The following CRACD variants were observed in gnomAD, a reference collection of about 807,000 sequenced individuals.
The protein encoded by CRACD is capping protein inhibiting regulator of actin dynamics, also known as capping protein-inhibiting regulator of actin dynamics.
Under a neutral mutation model 106.8 loss-of-function variants are expected in CRACD, and 56 were observed. That is an observed-to-expected ratio of 0.52 (90% CI 0.42 to 0.66). The LOEUF (loss-of-function observed/expected upper bound fraction) is 0.66. Among genes scored for constraint, CRACD ranks in the 30% least tolerant of loss-of-function variants. CRACD has a pLI of 0.00. For missense variants in CRACD, 1,730 were observed against 1,623.2 expected (o/e 1.07, Z -1.13); for synonymous variants, 754 against 670.8 (o/e 1.12, Z -1.92).
intron 2 of CRACD, among the ~76,000 whole-genome samples, chr4:56,260,706 G>A (rs936458482): frequency 3.3e-5 from 5 of 152,192 alleles, no homozygotes; most frequent in African/African-American, 1.2e-4. Context: ...GCTTTCCTGA[G>A]AGAATACATT....
At chr4:56,068,277 A>G (rs1335586351) in intron 1 of CRACD, among the ~76,000 whole-genome samples, 1 of 152,198 alleles carries the variant, frequency 6.6e-6, no homozygotes, top group Non-Finnish European at 1.5e-5. Context: ...AGAGACAGCA[A>G]GTGTAACGGG....
chr4:56,064,749 C>T lies in CRACD; in HGVS notation c.-336+15450C>T, dbSNP rs1035658075. On this transcript the variant is annotated intron_variant, in intron 1 of 10. Coordinates refer to ENST00000682029, the MANE Select transcript of CRACD (RefSeq NM_001393381.1). Reference sequence around the variant, plus strand: ...CACACATTGTTCACATGTGTAGCTTCGAGTCTCTACCTTAACTTTTAAATT... The same window carrying T: ...CACACATTGTTCACATGTGTAGCTTTGAGTCTCTACCTTAACTTTTAAATT... Among the ~76,000 whole-genome samples, 9 of 152,154 alleles carry T rather than the reference C, an allele frequency of 5.9e-5. No homozygotes were observed. In the South Asian group the frequency reaches 1.0e-3, roughly 18 times the overall value.
chr4:56,089,379 C>G (rs1410931454), intron 1 of CRACD, among the ~76,000 whole-genome samples: 6 of 152,194 alleles, frequency 3.9e-5, no homozygotes, highest in Admixed American at 6.5e-5. Context: ...TTTTTCTGAG[C>G]CCTATCACTT....
chr4:56,173,002 C>T (rs528588560), intron 1 of CRACD, among the ~76,000 whole-genome samples: 7 of 152,160 alleles, frequency 4.6e-5, no homozygotes, highest in African/African-American at 7.2e-5. Flanking sequence ...GTGATCCGCC[C>T]GCCTCGGCCT....
At chr4:56,308,998 C>A in intron 5 of CRACD, 1 of 771,172 alleles carries the variant, frequency 1.3e-6, no homozygotes, top group Non-Finnish European at 1.9e-6. Context: ...TAGTTTACAC[C>A]CTAATGAGAG....
intron 1 of CRACD, among the ~76,000 whole-genome samples, chr4:56,076,973 C>CTTCTTAATTCCTGCTTCT (rs1453218182): frequency 2.0e-5 from 3 of 152,096 alleles, no homozygotes; most frequent in Non-Finnish European, 4.4e-5. Flanking sequence ...TTAATTCCTC[C>CTTCTTAATTCCTGCTTCT]TAATTACTTG....
intron 1 of CRACD, among the ~76,000 whole-genome samples, chr4:56,151,063 C>T (rs1184685928): frequency 1.2e-4 from 19 of 152,164 alleles, no homozygotes; most frequent in Non-Finnish European, 1.2e-4. Flanking sequence ...ATGACATGAT[C>T]TCGGCTCACT....
At chr4:56,096,366 T>G (rs1159338202) in intron 1 of CRACD, among the ~76,000 whole-genome samples, 2 of 152,098 alleles carry the variant, frequency 1.3e-5, no homozygotes, top group East Asian at 1.9e-4. Flanking sequence ...AGCAAAAGCC[T>G]GCGAAGTAGT....
chr4:56,254,399 T>C (rs2899062), intron 2 of CRACD, among the ~76,000 whole-genome samples: 3 of 2,718 alleles, frequency 1.1e-3, no homozygotes, highest in African/African-American at 3.3e-3. Context: ...TTTGTGGGGG[T>C]TTTTTTTTTT....
In CRACD at chr4:56,314,838, G is replaced by C. The variant is rs372905802; in HGVS notation, c.1336G>C (p.Glu446Gln). 1.7e-5 allele frequency: 27 copies of C among 1,611,226 alleles called. 1 individual carries two copies. The highest frequency in any genetic ancestry group is 6.8e-6 in the Non-Finnish European group (8 of 1,179,292). The stretch of plus-strand genomic sequence containing the variant: ...ACCCGAAGGACAAAGAGAACACTCC[G>C]AGGAGCCAGGTATTTGCGAGGAGCA... ...LKPEGQREHS[E>Q]EPGICEEQNP... The change falls in exon 8 of 11, where the codon GAG becomes CAG. Residue 446 changes from glutamate to glutamine, a missense_variant. Glu to Gln is a conservative substitution (Grantham distance 29). Transcript: ENST00000682029. This position sits in a 1 kb window ranked among gnomAD's most constrained non-coding sequence, Gnocchi z 4.4.
chr4:56,279,751 T>C (rs1053471733), intron 3 of CRACD, among the ~76,000 whole-genome samples: 4 of 152,078 alleles, frequency 2.6e-5, no homozygotes, highest in Admixed American at 6.6e-5. Flanking sequence ...CCTCAGGGAT[T>C]TAGAACTAGA....
chr4:56,192,252 C>T (rs534236702), intron 2 of CRACD, among the ~76,000 whole-genome samples: 1 of 152,190 alleles, frequency 6.6e-6, no homozygotes, highest in East Asian at 1.9e-4. Flanking sequence ...ATTAGCCGAG[C>T]ATGGTGGTGC....
intron 1 of CRACD, among the ~76,000 whole-genome samples, chr4:56,134,685 G>A (rs1019524629): frequency 2.0e-5 from 3 of 152,180 alleles, no homozygotes; most frequent in African/African-American, 7.2e-5. Context: ...TAGACTGTGG[G>A]CAGAGGTTAT....
intron 3 of CRACD, among the ~76,000 whole-genome samples, chr4:56,293,366 A>G (rs774503330): frequency 1.3e-5 from 2 of 152,202 alleles, no homozygotes; most frequent in Non-Finnish European, 2.9e-5. Context: ...CCCAAGCTGA[A>G]TAAATTAAAA....
In CRACD at chr4:56,157,334, A is replaced by G. The variant is rs183266067; in HGVS notation, c.-335-21950A>G. Among the ~76,000 whole-genome samples the G allele has an allele frequency of 1.2e-4, 19 of 152,274 alleles. No individual in the cohort carries two copies. The East Asian group carries it at 2.7e-3, about 22-fold the overall frequency. ...AATTTAAAACTAAAAAGAAAATCAA[A>G]GTTTACTAAACGATGAGGTTGTTAA... On this transcript the variant is annotated intron_variant, in intron 1 of 10. Transcript: ENST00000682029.
intron 1 of CRACD, among the ~76,000 whole-genome samples, chr4:56,099,891 G>C (rs1398976341): frequency 6.6e-6 from 1 of 152,200 alleles, no homozygotes; most frequent in East Asian, 1.9e-4. Context: ...CTTGAAACCA[G>C]TTGTGTGTTG....
At chr4:56,106,692 T>C (rs187308854) in intron 1 of CRACD, among the ~76,000 whole-genome samples, 1 of 152,326 alleles carries the variant, frequency 6.6e-6, no homozygotes, top group Non-Finnish European at 1.5e-5. Context: ...TTTTCCTTGG[T>C]TCCTCTGTAA....
chr4:56,312,603 C>A (rs749832651), intron 6 of CRACD, among the ~76,000 whole-genome samples: 3 of 152,070 alleles, frequency 2.0e-5, no homozygotes, highest in Non-Finnish European at 4.4e-5. Context: ...GGTACCCATA[C>A]AAAGATGAAA....
At chr4:56,199,681 C>CAAAAAAAAAAAAA (rs372264328) in intron 2 of CRACD, among the ~76,000 whole-genome samples, 1 of 101,278 alleles carries the variant, frequency 9.9e-6, no homozygotes, top group Non-Finnish European at 1.9e-5. Context: ...AACTCCGTCT[C>CAAAAAAAAAAAAA]AAAAAAAAAA....
Sources: gnomAD v4.1 joint callset for allele counts (sites outside exome capture counted in the v4.1 genomes callset) on GRCh38, gnomAD v4.1.1 for gene constraint, Gnocchi (gnomAD v3.1) non-coding constraint, MANE v1.5 for transcripts, NCBI Gene and HGNC (gene_info 2026-07-23, HGNC 2026-07-21) for gene names.